Variants in SNX9 observed in about 807,000 individuals in gnomAD.
The protein encoded by SNX9 is sorting nexin 9.
In SNX9, 44 loss-of-function variants were observed where a neutral mutation model predicts 89.4. That is an observed-to-expected ratio of 0.49 (90% CI 0.39 to 0.63). SNX9 has a LOEUF of 0.63. SNX9 is among the 30% of genes least tolerant of loss of function. SNX9 has a pLI of 0.00. For synonymous variants in SNX9, 236 were observed against 247.8 expected (o/e 0.95, Z 0.45); for missense variants, 578 against 736.1 (o/e 0.79, Z 2.49).
At chr6:157,885,662 G>A (rs576115887) in intron 4 of SNX9, among the ~76,000 whole-genome samples, 1 of 152,340 alleles carries the variant, frequency 6.6e-6, no homozygotes, top group South Asian at 2.1e-4. Flanking sequence ...CACAGGTGGT[G>A]TGGAAGGATG....
chr6:157,834,508 G>C (rs759415548), intron 1 of SNX9, among the ~76,000 whole-genome samples: 9 of 144,730 alleles, frequency 6.2e-5, no homozygotes, highest in Non-Finnish European at 1.1e-4. Flanking sequence ...CACCCCCCCG[G>C]CCAATTTTTT....
intron 2 of SNX9, among the ~76,000 whole-genome samples, chr6:157,870,461 G>C (rs927003313): frequency 6.8e-6 from 1 of 147,150 alleles, no homozygotes; most frequent in Non-Finnish European, 1.5e-5. Context: ...GCACTCACCC[G>C]TGCAAGCACA....
chr6:157,944,025 CAG>C lies in SNX9; in HGVS notation c.*1188_*1189del, dbSNP rs1309370741. 6.6e-6 allele frequency: 1 copy of C among 152,348 alleles called. No individual in the cohort carries two copies. Among genetic ancestry groups the C allele is most frequent in the Non-Finnish European group, 1.5e-5 (1 of 68,146 alleles). 9.4% of individuals were successfully genotyped at this position (152,348 alleles called of 1,614,324 possible). ...TCCCGACTACATCCGAAACTTCACA[CAG>C]GGTGTTTCTGAGCACCAGCACTTCC... On this transcript the variant is annotated 3_prime_UTR_variant, in exon 18 of 18. Transcript: ENST00000392185.
intron 1 of SNX9, among the ~76,000 whole-genome samples, chr6:157,857,700 A>G (rs1234331515): frequency 7.3e-6 from 1 of 137,554 alleles, no homozygotes; most frequent in Non-Finnish European, 1.6e-5. Flanking sequence ...TTGTTTGTTT[A>G]TATGTCCAAT....
At chr6:157,876,868 C>G (rs1782532015) in intron 4 of SNX9, among the ~76,000 whole-genome samples, 1 of 152,238 alleles carries the variant, frequency 6.6e-6, no homozygotes, top group South Asian at 2.1e-4. Flanking sequence ...TGCACGCCAC[C>G]TCAGTTGTGA....
At chr6:157,838,293 A>G (rs1340594740) in intron 1 of SNX9, among the ~76,000 whole-genome samples, 5 of 151,400 alleles carry the variant, frequency 3.3e-5, no homozygotes, top group Non-Finnish European at 4.4e-5. Flanking sequence ...GGTTACAGGC[A>G]TGAACCACTG....
chr6:157,835,679 CTGATGGTTTTAT>C (rs1781569217), intron 1 of SNX9, among the ~76,000 whole-genome samples: 1 of 152,196 alleles, frequency 6.6e-6, no homozygotes, highest in Non-Finnish European at 1.5e-5. Context: ...GCTGACTGAG[CTGATGGTTTTAT>C]AAGGGGTTCT....
intron 5 of SNX9, among the ~76,000 whole-genome samples, chr6:157,898,085 G>A (rs1403288599): frequency 6.6e-6 from 1 of 152,212 alleles, no homozygotes; most frequent in African/African-American, 2.4e-5. Context: ...GAAGTTACAA[G>A]AGTTTTAGGA....
chr6:157,863,686 G>C (rs192066673), intron 1 of SNX9, among the ~76,000 whole-genome samples: 2 of 152,280 alleles, frequency 1.3e-5, no homozygotes, highest in South Asian at 2.1e-4. Context: ...CAGCACCTCT[G>C]TCTGTTTGGA....
intron 1 of SNX9, among the ~76,000 whole-genome samples, chr6:157,856,938 C>T (rs901473846): frequency 3.3e-5 from 5 of 151,906 alleles, no homozygotes; most frequent in African/African-American, 1.2e-4. Context: ...AAAAAATGAT[C>T]TCATTCTATT....
chr6:157,916,574 G>A (rs961648694), intron 9 of SNX9, among the ~76,000 whole-genome samples: 2 of 152,170 alleles, frequency 1.3e-5, no homozygotes, highest in African/African-American at 4.8e-5. Context: ...TTTGTTAGAT[G>A]TGCTTTTATC....
intron 4 of SNX9, among the ~76,000 whole-genome samples, chr6:157,894,651 A>G (rs896333481): frequency 6.6e-6 from 1 of 152,148 alleles, no homozygotes. Context: ...AATTACTCAA[A>G]GGAATTATGG....
In SNX9 at chr6:157,943,686, G is replaced by A. The variant is rs1784088721; in HGVS notation, c.*848G>A. ...AGAATTTTGTGGCTTTGGTCCAACG[G>A]GTGAGTGGCTGTGCGGAGGCCTGTG... On this transcript the variant is annotated 3_prime_UTR_variant, in exon 18 of 18. Transcript: ENST00000392185. The A allele has an allele frequency of 6.6e-6, 1 of 152,528 alleles. No individual in the cohort carries two copies. Among genetic ancestry groups the A allele is most frequent in the Non-Finnish European group, 1.5e-5 (1 of 68,266 alleles). 9.4% of individuals were successfully genotyped at this position (152,528 alleles called of 1,614,324 possible). A position where few individuals can be genotyped will look rare whatever the true frequency, so the allele number is the denominator to read the frequency against.
intron 9 of SNX9, among the ~76,000 whole-genome samples, chr6:157,915,989 C>A (rs77386683): frequency 0.025 from 3,849 of 151,290 alleles, 113 homozygotes; most frequent in African/African-American, 0.07. Context: ...CTCAATAGTT[C>A]CAGGAGCTTT....
rs1782971369 is a variant in SNX9 at position 157,896,091 on chromosome 6, GT to G, written c.301-734del. Among the ~76,000 whole-genome samples the G allele has an allele frequency of 2.6e-5, 4 of 152,240 alleles. No homozygotes were observed. In the South Asian group the frequency reaches 8.3e-4, roughly 32 times the overall value. ...CTGTTAATGCCCAGTGGGAGTGCTC[GT>G]TCTAGATTGTAGGAAGGAGGCTGCC... is the stretch of plus-strand genomic sequence containing the variant. On this transcript the variant is annotated intron_variant, in intron 4 of 17. Transcript: ENST00000392185.
intron 12 of SNX9, among the ~76,000 whole-genome samples, chr6:157,929,842 A>G (rs1292609745): frequency 6.6e-6 from 1 of 152,220 alleles, no homozygotes; most frequent in African/African-American, 2.4e-5. Context: ...AGCAAAGACA[A>G]TGTCAGTATT....
chr6:157,903,975 T>C (rs1328881500), intron 6 of SNX9, among the ~76,000 whole-genome samples: 2 of 152,250 alleles, frequency 1.3e-5, no homozygotes, highest in East Asian at 1.9e-4. Flanking sequence ...TTAACTAAAC[T>C]GTATAAATGA....
chr6:157,858,341 G>C lies in SNX9; in HGVS notation c.13-9206G>C, dbSNP rs144336601. Among the ~76,000 whole-genome samples, 895 of 151,644 alleles carry C rather than the reference G, an allele frequency of 5.9e-3. 4 individuals are homozygous for C. The highest frequency in any genetic ancestry group is 8.3e-3 in the Non-Finnish European group (565 of 67,910). On this transcript the variant is annotated intron_variant, in intron 1 of 17. Transcript: ENST00000392185. ...GGCTCACCGCAGCCTCCACCACCCG[G>C]GTTCAAGTGATTCTCCTGCCTCAGC...
intron 17 of SNX9, among the ~76,000 whole-genome samples, chr6:157,942,116 A>G (rs1248328838): frequency 2.0e-5 from 3 of 152,398 alleles, no homozygotes; most frequent in East Asian, 1.9e-4. Context: ...CTGTCTTTGC[A>G]TAAACCTAAG....
Sources: allele counts gnomAD v4.1 joint callset (sites outside exome capture counted in the v4.1 genomes callset), GRCh38; gene constraint gnomAD v4.1.1; transcripts MANE v1.5; gene names NCBI Gene and HGNC (gene_info 2026-07-23, HGNC 2026-07-21).